The following GPR149 variants were observed in gnomAD, a reference collection of about 807,000 sequenced individuals.
GPR149 encodes the protein probable G protein-coupled receptor 149.
Under a neutral mutation model 50.2 loss-of-function variants are expected in GPR149, and 50 were observed. The observed-to-expected ratio is 1.00, with a 90% CI of 0.79 to 1.26. The LOEUF is 1.26. Ranked by LOEUF, GPR149 falls within the 50% of genes most tolerant of loss-of-function variation. The pLI, the probability that GPR149 is intolerant of heterozygous loss-of-function variation, is 0.00. For missense variants in GPR149, 983 were observed against 895.4 expected, an observed-to-expected ratio of 1.10 and a Z score of -1.25; for synonymous variants, 405 against 358.2, an observed-to-expected ratio of 1.13 and a Z score of -1.48.
intron 3 of GPR149, among the ~76,000 whole-genome samples, chr3:154,417,182 A>G (rs953777031): frequency 6.6e-6 from 1 of 151,740 alleles, no homozygotes; most frequent in Non-Finnish European, 1.5e-5. Flanking sequence ...TAACTAAAAA[A>G]CTCTGACGTT....
chr3:154,353,545 C>T, intron 3 of GPR149: 3 of 965,372 alleles, frequency 3.1e-6, no homozygotes, highest in Non-Finnish European at 5.1e-6. Flanking sequence ...GGGGTTCCAA[C>T]CAAGATGTCA....
intron 3 of GPR149, among the ~76,000 whole-genome samples, chr3:154,344,968 G>A (rs2108385526): frequency 6.6e-6 from 1 of 152,318 alleles, no homozygotes; most frequent in East Asian, 1.9e-4. Context: ...ATTTTTAAAA[G>A]TCCTGCAACA....
At chr3:154,345,305 A>G (rs901305646) in intron 3 of GPR149, among the ~76,000 whole-genome samples, 1 of 152,244 alleles carries the variant, frequency 6.6e-6, no homozygotes, top group Non-Finnish European at 1.5e-5. Flanking sequence ...AGTTACAAGT[A>G]CATCAGAAGG....
chr3:154,414,591 A>T (rs566052537), intron 3 of GPR149, among the ~76,000 whole-genome samples: 3 of 152,034 alleles, frequency 2.0e-5, no homozygotes, highest in Non-Finnish European at 4.4e-5. Flanking sequence ...GAAACTTTAC[A>T]TAGAGAAATC....
At chr3:154,424,352 C>A (rs1712234953) in intron 2 of GPR149, among the ~76,000 whole-genome samples, 1 of 151,632 alleles carries the variant, frequency 6.6e-6, no homozygotes, top group South Asian at 2.1e-4. Context: ...ATGAAGCAAC[C>A]TGTAGGAATC....
chr3:154,403,882 A>G (rs1162472408), intron 3 of GPR149, among the ~76,000 whole-genome samples: 1 of 152,194 alleles, frequency 6.6e-6, no homozygotes, highest in Non-Finnish European at 1.5e-5. Context: ...GGTGCTGCTC[A>G]GTACAGTAGT....
Position 154,335,410 on chromosome 3 carries a change from G to A in GPR149, c.*2289C>T, listed in dbSNP as rs796314238. 1.6e-4 allele frequency: 24 copies of A among 152,098 alleles called. No homozygotes were observed. Among genetic ancestry groups the A allele is most frequent in the African/African-American group, 5.8e-4 (24 of 41,428 alleles). The allele number at this position is 152,098 out of a possible 1,614,324, so 9.4% of individuals were successfully genotyped here. Reference sequence around the variant, plus strand: ...GGAGCGTCATTCATGCTTAGGCACAGCTCTAGTAGATTTTTCTTGTATATT... The same window carrying A: ...GGAGCGTCATTCATGCTTAGGCACAACTCTAGTAGATTTTTCTTGTATATT... On this transcript the variant is annotated 3_prime_UTR_variant, in exon 4 of 4. Coordinates refer to ENST00000389740, the MANE Select transcript of GPR149 (RefSeq NM_001038705.3).
At chr3:154,340,112 G>C (rs1713756433) in intron 3 of GPR149, among the ~76,000 whole-genome samples, 1 of 151,982 alleles carries the variant, frequency 6.6e-6, no homozygotes, top group Non-Finnish European at 1.5e-5. Context: ...TTCTTGAATT[G>C]AGAGACTAGA....
intron 3 of GPR149, among the ~76,000 whole-genome samples, chr3:154,377,099 A>T (rs1208641558): frequency 6.6e-6 from 1 of 151,208 alleles, no homozygotes; most frequent in Non-Finnish European, 1.5e-5. Flanking sequence ...GGTAGAGGAT[A>T]GTAGAAAATC....
At chr3:154,401,657 G>GA (rs1166395077) in intron 3 of GPR149, among the ~76,000 whole-genome samples, 5 of 151,744 alleles carry the variant, frequency 3.3e-5, no homozygotes, top group Admixed American at 6.6e-5. Context: ...AAACTGGGGG[G>GA]AAAAACAGGA....
chr3:154,385,754 T>G (rs1310375462), intron 3 of GPR149, among the ~76,000 whole-genome samples: 10 of 150,542 alleles, frequency 6.6e-5, no homozygotes, highest in Non-Finnish European at 1.5e-5. Context: ...CAGGCTGGAG[T>G]GCAGTGGCGC....
intron 3 of GPR149, among the ~76,000 whole-genome samples, chr3:154,348,969 GAA>G (rs1235223735): frequency 6.6e-6 from 1 of 151,662 alleles, no homozygotes; most frequent in African/African-American, 2.4e-5. Context: ...ATAAATAGCA[GAA>G]AGATAGCAAG....
At chr3:154,365,528 A>G (rs1242509241) in intron 3 of GPR149, among the ~76,000 whole-genome samples, 1 of 152,132 alleles carries the variant, frequency 6.6e-6, no homozygotes, top group Non-Finnish European at 1.5e-5. Flanking sequence ...ATTTTTTCAA[A>G]TCTTTACCTT....
chr3:154,366,441 T>C (rs1714535239), intron 3 of GPR149, among the ~76,000 whole-genome samples: 3 of 152,236 alleles, frequency 2.0e-5, no homozygotes, highest in Admixed American at 1.3e-4. Context: ...TTTGCATCTG[T>C]AGACAATCTC....
chr3:154,387,541 G>A (rs1050567889), intron 3 of GPR149, among the ~76,000 whole-genome samples: 1 of 152,164 alleles, frequency 6.6e-6, no homozygotes, highest in South Asian at 2.1e-4. Flanking sequence ...CTGGAGCCAA[G>A]TATAGGTCAG....
chr3:154,352,787 A>C (rs1467562927), intron 3 of GPR149: 1 of 812,814 alleles, frequency 1.2e-6, no homozygotes, highest in African/African-American at 1.7e-5. Context: ...TCCATTGTAG[A>C]AGGAACACCT....
At chr3:154,353,639 T>G in intron 3 of GPR149, 1 of 1,363,738 alleles carries the variant, frequency 7.3e-7, no homozygotes, top group Non-Finnish European at 1.0e-6. Flanking sequence ...TAGTTTTATC[T>G]TTGAAGTCTT....
intron 3 of GPR149, among the ~76,000 whole-genome samples, chr3:154,384,013 C>A (rs938345944): frequency 2.6e-5 from 4 of 152,014 alleles, no homozygotes; most frequent in African/African-American, 9.7e-5. Context: ...TGTTTTTAAG[C>A]TATTCGGAGG....
intron 3 of GPR149, among the ~76,000 whole-genome samples, chr3:154,386,457 T>C (rs2108409524): frequency 6.6e-6 from 1 of 152,358 alleles, no homozygotes; most frequent in East Asian, 1.9e-4. Context: ...CACTGTCTCA[T>C]AGTGTGACTC....
Sources: allele counts gnomAD v4.1 joint callset (sites outside exome capture counted in the v4.1 genomes callset), GRCh38; gene constraint gnomAD v4.1.1; transcripts MANE v1.5; gene names NCBI Gene and HGNC (gene_info 2026-07-23, HGNC 2026-07-21).